Variants in PHTF2 observed in about 807,000 individuals in gnomAD.
PHTF2 encodes protein PHTF2.
PHTF2 carries 60 observed loss-of-function variants against 101.2 expected under a neutral mutation model. That is an observed-to-expected ratio of 0.59 (90% confidence interval 0.48 to 0.73). The LOEUF (loss-of-function observed/expected upper bound fraction) is 0.73, where lower values mean the gene tolerates loss of function less well. PHTF2 is among the 30% of genes least tolerant of loss of function. The pLI is 0.00. For synonymous variants in PHTF2, 311 were observed against 307.3 expected (o/e 1.01, Z -0.13); for missense variants, 747 against 908.7 (o/e 0.82, Z 2.29).
At chr7:77,942,598 GGTGATGAGT>G (rs1452499265) in intron 15 of PHTF2, 93 bp from the exon 15 acceptor site, 2 of 571,216 alleles carry the variant, frequency 3.5e-6, no homozygotes, top group Admixed American at 3.3e-5. Flanking sequence ...ATCAACTGAT[GGTGATGAGT>G]CAACACCTTT....
At chr7:77,893,724 A>G in intron 4 of PHTF2, 60 bp downstream of exon 3, 3 of 722,504 alleles carry the variant, frequency 4.2e-6, no homozygotes, top group Non-Finnish European at 4.8e-6. Context: ...TATTAATTAC[A>G]TTTTCTGTAG....
chr7:77,894,025 G>GAAAA, intron 5 of PHTF2, 32 bp downstream of exon 4: 1 of 1,528,644 alleles, frequency 6.5e-7, no homozygotes, highest in Non-Finnish European at 9.1e-7. Flanking sequence ...CCGCCTGAGT[G>GAAAA]ATCCTGTGCA....
intron 1 of PHTF2, among the ~76,000 whole-genome samples, chr7:77,831,348 G>A (rs1364984027): frequency 1.3e-5 from 2 of 152,230 alleles, no homozygotes; most frequent in Admixed American, 6.5e-5. Flanking sequence ...CTAAGAAGCC[G>A]TTTACTATTG....
exon 12 of PHTF2, chr7:77,929,176 C>T (rs1246727325): frequency 6.2e-7 from 1 of 1,613,792 alleles, no homozygotes; most frequent in Admixed American, 1.7e-5. Context: ...TCTGAGAGTG[C>T]AAGGCCAGAA....
chr7:77,854,941 C>T (rs1562878555), intron 3 of PHTF2: 2 of 617,374 alleles, frequency 3.2e-6, no homozygotes, highest in East Asian at 5.5e-5. Flanking sequence ...AATCAAGGAA[C>T]CCAGGAGCCT....
chr7:77,843,785 TACA>T (rs1796065154), intron 2 of PHTF2, among the ~76,000 whole-genome samples: 1 of 152,218 alleles, frequency 6.6e-6, no homozygotes, highest in Non-Finnish European at 1.5e-5. Flanking sequence ...GAAAAATGTA[TACA>T]ATATACATAT....
At chr7:77,826,022 G>A (rs932474481) in intron 1 of PHTF2, among the ~76,000 whole-genome samples, 1 of 152,098 alleles carries the variant, frequency 6.6e-6, no homozygotes, top group Non-Finnish European at 1.5e-5. Context: ...CACACTAAAT[G>A]CTAGGAAAAA....
intron 1 of PHTF2, among the ~76,000 whole-genome samples, chr7:77,835,922 C>A (rs189454901): frequency 6.6e-6 from 1 of 151,870 alleles, no homozygotes; most frequent in Non-Finnish European, 1.5e-5. Flanking sequence ...GAGTTTGAGA[C>A]CAACCTGACC....
chr7:77,916,402 A>G (rs1802929473), intron 9 of PHTF2, among the ~76,000 whole-genome samples: 2 of 152,160 alleles, frequency 1.3e-5, no homozygotes, highest in Admixed American at 1.3e-4. Flanking sequence ...ACTTTTGTTT[A>G]TTAATGCCAA....
chr7:77,802,379 T>C (rs1359671979), intron 1 of PHTF2, among the ~76,000 whole-genome samples: 1 of 152,230 alleles, frequency 6.6e-6, no homozygotes, highest in Non-Finnish European at 1.5e-5. Context: ...AATACTTACT[T>C]TCCCAGTTCA....
intron 1 of PHTF2, among the ~76,000 whole-genome samples, chr7:77,831,937 G>T (rs1419900618): frequency 6.6e-6 from 1 of 152,162 alleles, no homozygotes; most frequent in East Asian, 1.9e-4. Flanking sequence ...GGAAATGGAT[G>T]CAGAGCACAC....
chr7:77,920,886 T>C (rs1803396802), intron 10 of PHTF2, among the ~76,000 whole-genome samples: 2 of 152,126 alleles, frequency 1.3e-5, no homozygotes, highest in Non-Finnish European at 2.9e-5. Flanking sequence ...GGCTTAGCCA[T>C]GTTGCCCACG....
chr7:77,895,137 T>C (rs1800766920), intron 5 of PHTF2: 1 of 455,662 alleles, frequency 2.2e-6, no homozygotes, highest in South Asian at 1.6e-5. Flanking sequence ...AAATATCTAT[T>C]TGGTACTTGG....
chr7:77,848,060 A>G (rs1047305408), intron 2 of PHTF2, among the ~76,000 whole-genome samples: 4 of 152,206 alleles, frequency 2.6e-5, no homozygotes, highest in African/African-American at 9.6e-5. Flanking sequence ...TTACGACGGA[A>G]TACTACTCCA....
In PHTF2 at chr7:77,951,603, T is replaced by C. The variant is rs1474574328; in HGVS notation, c.2116-14T>C. The C allele has an allele frequency of 9.2e-7, 1 of 1,086,384 alleles. No homozygotes were observed. Among genetic ancestry groups the C allele is most frequent in the South Asian group, 1.5e-5 (1 of 66,910 alleles). 67.3% of individuals were successfully genotyped at this position (1,086,384 alleles called of 1,614,324 possible). On this transcript the variant is annotated splice_polypyrimidine_tract_variant and intron_variant, in intron 17 of 19. Transcript: ENST00000416283. ...TTATTATAATTTGAAGCATTTCTATTCTTTTTATAAAAGATAAACCTCTAC... is the reference window on the plus strand; with the variant it reads ...TTATTATAATTTGAAGCATTTCTATCCTTTTTATAAAAGATAAACCTCTAC...
intron 1 of PHTF2, among the ~76,000 whole-genome samples, chr7:77,800,824 A>G (rs1289318639): frequency 2.0e-5 from 3 of 152,254 alleles, no homozygotes; most frequent in Non-Finnish European, 2.9e-5. Context: ...GTCATTTTAT[A>G]GATGAGCAAA....
intron 7 of PHTF2, among the ~76,000 whole-genome samples, chr7:77,903,757 CG>C (rs1395753672): frequency 6.6e-6 from 1 of 152,196 alleles, no homozygotes; most frequent in East Asian, 1.9e-4. Flanking sequence ...TGATGACCCT[CG>C]GCAGGCTGCC....
chr7:77,930,617 A>G lies in PHTF2; in HGVS notation c.1338+1290A>G, dbSNP rs373251940. Among the ~76,000 whole-genome samples, 58 of 152,336 alleles carry G rather than the reference A, an allele frequency of 3.8e-4. No homozygotes were observed. In the South Asian group the frequency reaches 0.011, roughly 29 times the overall value. ...CATAGCTATCAAAGAACCTTCTGCT[A>G]TAACAATCCCAGAGGCTGGGTGGCT... On this transcript the variant is annotated intron_variant, in intron 12 of 19. Coordinates refer to ENST00000416283, the Ensembl canonical transcript of PHTF2.
At chr7:77,871,918 T>C (rs1798551206) in intron 3 of PHTF2, among the ~76,000 whole-genome samples, 1 of 152,152 alleles carries the variant, frequency 6.6e-6, no homozygotes, top group African/African-American at 2.4e-5. Flanking sequence ...GGCAGAAGCT[T>C]GCATGCAGGA....
Sources: gnomAD v4.1 joint callset for allele counts (sites outside exome capture counted in the v4.1 genomes callset) on GRCh38, gnomAD v4.1.1 for gene constraint, MANE v1.5 for transcripts, NCBI Gene and HGNC (gene_info 2026-07-23, HGNC 2026-07-21) for gene names.